GLI2: variants seen among roughly 807,000 people sequenced by gnomAD.
The protein encoded by GLI2 is GLI family zinc finger 2, also known as transcription activator GLI2.
GLI2 carries 22 observed loss-of-function variants against 78.9 expected under a neutral mutation model. The observed-to-expected ratio is 0.28, with a 90% CI of 0.20 to 0.40. The LOEUF is 0.40. Ranked by LOEUF, GLI2 falls within the 10% of genes least tolerant of loss-of-function variation. The pLI is 1.00. For missense variants in GLI2, 2,097 were observed against 2,213.2 expected (o/e 0.95, Z 1.05); for synonymous variants, 974 against 963.7 (o/e 1.01, Z -0.20).
At chr2:120,901,488 G>A (rs575689352) in intron 2 of GLI2, among the ~76,000 whole-genome samples, 2 of 152,206 alleles carry the variant, frequency 1.3e-5, no homozygotes, top group Non-Finnish European at 2.9e-5. Context: ...GGCCGGTGCT[G>A]CTCCGTGGCC....
chr2:120,787,407 TG>T (rs1182890673), intron 1 of GLI2, among the ~76,000 whole-genome samples: 1 of 152,184 alleles, frequency 6.6e-6, no homozygotes, highest in African/African-American at 2.4e-5. Context: ...CCTTGGTCCT[TG>T]CCCCCACCCC....
intron 1 of GLI2, among the ~76,000 whole-genome samples, chr2:120,750,660 C>T (rs1016821325): frequency 3.3e-5 from 5 of 152,226 alleles, no homozygotes; most frequent in East Asian, 1.9e-4. Context: ...TTTGGGCTCT[C>T]GTTAGGCAAA....
Position 120,951,336 on chromosome 2 carries a change from C to A in GLI2, c.348C>A (p.Asn116Lys). Residue 116 changes from asparagine to lysine, a missense_variant, in exon 4 of 14, where the codon AAC (asparagine) becomes AAA (lysine). Transcript: ENST00000361492. Reference sequence around the variant, plus strand: ...CTGGCCCTGGGGAGTCCCCCTTCAACGCCCCCCACCCGTACGTGAACCCCC... The same window carrying A: ...CTGGCCCTGGGGAGTCCCCCTTCAAAGCCCCCCACCCGTACGTGAACCCCC... ...HPAGPGESPF[N>K]APHPYVNPHM... 6.3e-7 allele frequency: 1 copy of A among 1,576,702 alleles called. No homozygotes were observed. The highest frequency in any genetic ancestry group is 8.7e-7 in the Non-Finnish European group (1 of 1,146,068).
At chr2:120,792,110 G>A (rs1373571812) in intron 1 of GLI2, among the ~76,000 whole-genome samples, 4 of 152,208 alleles carry the variant, frequency 2.6e-5, no homozygotes, top group African/African-American at 4.8e-5. Flanking sequence ...TCTAATTCCT[G>A]TGAGTCACTC....
chr2:120,950,851 C>A (rs1469451214), intron 3 of GLI2, among the ~76,000 whole-genome samples: 5 of 152,186 alleles, frequency 3.3e-5, no homozygotes, highest in African/African-American at 1.2e-4. Flanking sequence ...TTTTCATATT[C>A]GTTTTCATAC....
At chr2:120,972,935 G>A (rs763661661) in intron 8 of GLI2, among the ~76,000 whole-genome samples, 3 of 152,150 alleles carry the variant, frequency 2.0e-5, no homozygotes, top group East Asian at 1.9e-4. Context: ...AGGGCATGCC[G>A]TGCCTGTTGA....
Position 120,776,836 on chromosome 2 carries a change from C to T in GLI2, c.-30-20455C>T, listed in dbSNP as rs1006378346. On this transcript the variant is annotated intron_variant, in intron 1 of 13. Coordinates refer to ENST00000361492, the MANE Select transcript of GLI2 (RefSeq NM_001374353.1). Reference sequence around the variant, plus strand: ...GTCTTGAGGGAAGGCTCCAGTGGGCCGGGGACTGCCTCTGAGCCACCCTGT... The same window carrying T: ...GTCTTGAGGGAAGGCTCCAGTGGGCTGGGGACTGCCTCTGAGCCACCCTGT... Among the ~76,000 whole-genome samples, 56 of 152,304 alleles carry T rather than the reference C, an allele frequency of 3.7e-4. No individual in the cohort carries two copies. The East Asian group carries it at 9.5e-3, about 26-fold the overall frequency.
chr2:120,741,894 A>G (rs1206381532), intron 1 of GLI2, among the ~76,000 whole-genome samples: 1 of 152,074 alleles, frequency 6.6e-6, no homozygotes, highest in Non-Finnish European at 1.5e-5. Flanking sequence ...GCGAGTCGGG[A>G]AGAAAGCCAA....
At chr2:120,912,288 T>TC (rs1344344154) in intron 2 of GLI2, among the ~76,000 whole-genome samples, 2 of 151,988 alleles carry the variant, frequency 1.3e-5, no homozygotes, top group African/African-American at 4.8e-5. Context: ...TTTTTTTTTT[T>TC]TTTGATGTCA....
At chr2:120,947,009 G>C (rs1231382307) in intron 3 of GLI2, among the ~76,000 whole-genome samples, 1 of 152,230 alleles carries the variant, frequency 6.6e-6, no homozygotes, top group African/African-American at 2.4e-5. Context: ...GTGGGGTTGG[G>C]GGGTTCCAGC....
chr2:120,797,827 T>C (rs937419683), intron 2 of GLI2, among the ~76,000 whole-genome samples: 2 of 152,206 alleles, frequency 1.3e-5, no homozygotes, highest in Non-Finnish European at 2.9e-5. Context: ...AGAGAACTTC[T>C]TGCCTCTTGC....
intron 2 of GLI2, among the ~76,000 whole-genome samples, chr2:120,923,489 C>T (rs1012935581): frequency 2.0e-5 from 3 of 151,918 alleles, no homozygotes; most frequent in Non-Finnish European, 4.4e-5. Context: ...TACATATGCA[C>T]GTATACGCAG....
chr2:120,753,093 A>ATTTTT (rs55697602), intron 1 of GLI2, among the ~76,000 whole-genome samples: 5 of 111,868 alleles, frequency 4.5e-5, no homozygotes, highest in African/African-American at 1.0e-4. Context: ...TTCTGTACGT[A>ATTTTT]TTTTTTTTTT....
intron 2 of GLI2, among the ~76,000 whole-genome samples, chr2:120,834,945 C>A (rs1686537791): frequency 6.6e-6 from 1 of 152,148 alleles, no homozygotes; most frequent in Non-Finnish European, 1.5e-5. Flanking sequence ...CCACATGGGT[C>A]CTCACTCTTC....
intron 2 of GLI2, among the ~76,000 whole-genome samples, chr2:120,879,834 C>T (rs1166395193): frequency 6.6e-6 from 1 of 152,222 alleles, no homozygotes; most frequent in Admixed American, 6.5e-5. Flanking sequence ...AGCCCGTCTG[C>T]CGCGGGAGGC....
chr2:120,770,751 G>A (rs1683498127), intron 1 of GLI2, among the ~76,000 whole-genome samples: 1 of 152,178 alleles, frequency 6.6e-6, no homozygotes. Context: ...GGTCACCAAT[G>A]GAAAGTGCTC....
chr2:120,886,159 AGTGTGTGTGTGTGTGTGT>A lies in GLI2; in HGVS notation c.149-41168_149-41151del, dbSNP rs532891541. On this transcript the variant is annotated intron_variant, in intron 2 of 13. Coordinates refer to ENST00000361492, the MANE Select transcript of GLI2 (RefSeq NM_001374353.1). ...GGAACCCCTATTCTAATTTTTCCAA[AGTGTGTGTGTGTGTGTGT>A]GTGTGTGTGTGTGTGTGTGTGTGTG... Among the ~76,000 whole-genome samples, 231 of 116,828 alleles carry A rather than the reference AGTGTGTGTGTGTGTGTGT, an allele frequency of 2.0e-3. 2 individuals carry two copies. Among genetic ancestry groups the A allele is most frequent in the Admixed American group, 0.014 (171 of 11,968 alleles). 76.6% of individuals were successfully genotyped at this position (116,828 alleles called of 152,430 possible).
At chr2:120,766,145 T>C (rs563489194) in intron 1 of GLI2, among the ~76,000 whole-genome samples, 2 of 152,304 alleles carry the variant, frequency 1.3e-5, no homozygotes, top group South Asian at 2.1e-4. Context: ...GGATGAGTTA[T>C]CCCTGCTGTT....
chr2:120,955,565 T>G, intron 5 of GLI2, 135 bp downstream of exon 5: 2 of 621,318 alleles, frequency 3.2e-6, no homozygotes, highest in Non-Finnish European at 5.6e-6. Flanking sequence ...CCTTCCAGGA[T>G]GGCTGTCCAC....
Sources: gnomAD v4.1 joint callset for allele counts (sites outside exome capture counted in the v4.1 genomes callset) on GRCh38, gnomAD v4.1.1 for gene constraint, MANE v1.5 for transcripts, NCBI Gene and HGNC (gene_info 2026-07-23, HGNC 2026-07-21) for gene names.